Variants in BBX observed in about 807,000 individuals in gnomAD.
The protein encoded by BBX is HMG box transcription factor BBX.
BBX carries 30 observed loss-of-function variants against 100.2 expected under a neutral mutation model. That is an observed-to-expected ratio of 0.30 (90% confidence interval 0.22 to 0.41). The LOEUF is 0.41. Ranked by LOEUF, BBX falls within the 10% of genes least tolerant of loss-of-function variation. The pLI, the probability that BBX is intolerant of heterozygous loss-of-function variation, is 1.00. For missense variants in BBX, 1,023 were observed against 1,129.8 expected (o/e 0.91, Z 1.35); for synonymous variants, 376 against 388.1 (o/e 0.97, Z 0.37).
rs2051193393 is a variant in BBX, at chr3:107,569,617, T to TAAGGGAGCTGGGCAGGTGGGGATAACTA, written c.-84+43222_-84+43249dup. Among the ~76,000 whole-genome samples the TAAGGGAGCTGGGCAGGTGGGGATAACTA allele has an allele frequency of 1.3e-5, 2 of 152,082 alleles. 1 individual carries two copies. The highest frequency in any genetic ancestry group is 4.1e-4 in the South Asian group (2 of 4,820). Reference sequence around the variant, plus strand: ...ATGTAGTTAAAATGTCTCGACCTAATAAGGGAGCTGGGCAGGTGGGGATAA... The same window carrying TAAGGGAGCTGGGCAGGTGGGGATAACTA: ...ATGTAGTTAAAATGTCTCGACCTAATAAGGGAGCTGGGCAGGTGGGGATAACTAAAGGGAGCTGGGCAGGTGGGGATAA... On this transcript the variant is annotated intron_variant, in intron 2 of 17. Transcript: ENST00000325805.
intron 2 of BBX, among the ~76,000 whole-genome samples, chr3:107,600,959 A>G (rs564788858): frequency 4.6e-5 from 7 of 152,168 alleles, no homozygotes; most frequent in Non-Finnish European, 7.4e-5. Flanking sequence ...AAGCAAGTCT[A>G]TCAGCACCAC....
intron 3 of BBX, among the ~76,000 whole-genome samples, chr3:107,681,952 G>T (rs1461275228): frequency 6.6e-6 from 1 of 152,108 alleles, no homozygotes; most frequent in African/African-American, 2.4e-5. Context: ...TGCACCAAAA[G>T]CATGTTTTCA....
intron 12 of BBX, among the ~76,000 whole-genome samples, chr3:107,775,454 A>G (rs983632702): frequency 2.0e-5 from 3 of 152,170 alleles, no homozygotes; most frequent in Non-Finnish European, 4.4e-5. Flanking sequence ...CGTTATGCCA[A>G]AGACTGTTAA....
At chr3:107,666,867 G>A (rs1252969839) in intron 3 of BBX, among the ~76,000 whole-genome samples, 1 of 152,116 alleles carries the variant, frequency 6.6e-6, no homozygotes, top group Non-Finnish European at 1.5e-5. Context: ...ACTGCACCCG[G>A]CCTAAAATAT....
intron 2 of BBX, among the ~76,000 whole-genome samples, chr3:107,639,203 T>C (rs1021711585): frequency 2.0e-5 from 3 of 152,210 alleles, no homozygotes; most frequent in African/African-American, 4.8e-5. Context: ...TTTTGTAATA[T>C]ATTGCAAATT....
intron 4 of BBX, among the ~76,000 whole-genome samples, chr3:107,715,546 A>G (rs1188104676): frequency 6.6e-6 from 1 of 152,232 alleles, no homozygotes; most frequent in Non-Finnish European, 1.5e-5. Context: ...TTTAGTAAAC[A>G]TTGTGGACTT....
chr3:107,768,775 A>G lies in BBX; in HGVS notation c.907-3853A>G, dbSNP rs150165127. ...TAAAAAAAATTAATCTCTGGGTCCC[A>G]TTAAAAGAGCATTCCTATCAACTGA... is the stretch of plus-strand genomic sequence containing the variant. On this transcript the variant is annotated intron_variant, in intron 10 of 17. Transcript: ENST00000325805. Among the ~76,000 whole-genome samples the G allele has an allele frequency of 4.6e-3, 690 of 151,284 alleles. 5 individuals are homozygous for G. Among genetic ancestry groups the G allele is most frequent in the Admixed American group, 0.011 (165 of 15,128 alleles).
intron 2 of BBX, among the ~76,000 whole-genome samples, chr3:107,591,725 C>T (rs1428443190): frequency 6.6e-6 from 1 of 152,170 alleles, no homozygotes; most frequent in African/African-American, 2.4e-5. Flanking sequence ...TGGGCTTAAG[C>T]AGTCCTCCCA....
chr3:107,617,236 C>G (rs1203102446), intron 2 of BBX, among the ~76,000 whole-genome samples: 1 of 152,106 alleles, frequency 6.6e-6, no homozygotes, highest in Non-Finnish European at 1.5e-5. Flanking sequence ...CTATGCTGTT[C>G]CGTTAGTCTG....
intron 2 of BBX, among the ~76,000 whole-genome samples, chr3:107,620,733 G>A (rs909479515): frequency 1.3e-5 from 2 of 152,154 alleles, no homozygotes; most frequent in African/African-American, 4.8e-5. Flanking sequence ...ACTCATTACT[G>A]TTTTATACAT....
chr3:107,561,317 A>C (rs1237639889), intron 2 of BBX, among the ~76,000 whole-genome samples: 3 of 152,236 alleles, frequency 2.0e-5, no homozygotes, highest in African/African-American at 4.8e-5. Context: ...TTGGTCAATC[A>C]CTGAGGGGAG....
chr3:107,725,334 T>G (rs569593103), intron 5 of BBX, among the ~76,000 whole-genome samples: 1 of 152,172 alleles, frequency 6.6e-6, no homozygotes, highest in Non-Finnish European at 1.5e-5. Context: ...TTTCTAGATA[T>G]ACAATCATGT....
At chr3:107,593,459 T>C (rs1576428766) in intron 2 of BBX, among the ~76,000 whole-genome samples, 1 of 152,206 alleles carries the variant, frequency 6.6e-6, no homozygotes, top group South Asian at 2.1e-4. Context: ...GTAAGTTCAG[T>C]GTCAATGGAA....
intron 2 of BBX, among the ~76,000 whole-genome samples, chr3:107,608,455 G>A (rs1162453094): frequency 6.6e-6 from 1 of 152,090 alleles, no homozygotes; most frequent in Non-Finnish European, 1.5e-5. Context: ...CATGCTGTTT[G>A]GTTGCTATAG....
chr3:107,640,650 A>G (rs900887598), intron 2 of BBX, among the ~76,000 whole-genome samples: 1 of 151,674 alleles, frequency 6.6e-6, no homozygotes, highest in Non-Finnish European at 1.5e-5. Flanking sequence ...TAACTATTAT[A>G]ATAACTGTTT....
At chr3:107,741,222 C>T (rs1337534165) in intron 7 of BBX, among the ~76,000 whole-genome samples, 4 of 151,984 alleles carry the variant, frequency 2.6e-5, no homozygotes, top group Admixed American at 6.6e-5. Flanking sequence ...ACCTAGCTTT[C>T]CACACTACTC....
intron 3 of BBX, among the ~76,000 whole-genome samples, chr3:107,679,375 C>T (rs1275977762): frequency 1.3e-5 from 2 of 152,074 alleles, no homozygotes; most frequent in East Asian, 3.9e-4. Flanking sequence ...AATTCAGGCT[C>T]ATAGAGTTTT....
At chr3:107,702,328 A>T (rs1055035307) in intron 3 of BBX, among the ~76,000 whole-genome samples, 8 of 152,168 alleles carry the variant, frequency 5.3e-5, no homozygotes, top group African/African-American at 1.9e-4. Context: ...TTTGAAAGTG[A>T]CTTTGATTTT....
At chr3:107,745,755 G>A (rs980578814) in intron 8 of BBX, among the ~76,000 whole-genome samples, 1 of 152,038 alleles carries the variant, frequency 6.6e-6, no homozygotes. Flanking sequence ...TGCTCAGCCT[G>A]CACTCTTTTT....
Sources: allele counts gnomAD v4.1 joint callset (sites outside exome capture counted in the v4.1 genomes callset), GRCh38; gene constraint gnomAD v4.1.1; transcripts MANE v1.5; gene names NCBI Gene and HGNC (gene_info 2026-07-23, HGNC 2026-07-21).